The following GFRA2 variants were observed in gnomAD, a reference collection of about 807,000 sequenced individuals.
GFRA2 encodes GDNF family receptor alpha-2.
In GFRA2, 17 loss-of-function variants were observed where a neutral mutation model predicts 48.3. The observed-to-expected ratio is 0.35, with a 90% CI of 0.24 to 0.53. GFRA2 has a LOEUF of 0.53. Among genes scored for constraint, GFRA2 ranks in the 20% least tolerant of loss-of-function variants. GFRA2 has a pLI of 0.93. For synonymous variants in GFRA2, 305 were observed against 257.2 expected (o/e 1.19, Z -1.78); for missense variants, 660 against 637.3 (o/e 1.04, Z -0.38).
chr8:21,800,925 CAAA>C (rs34924711), intron 2 of GFRA2, among the ~76,000 whole-genome samples: 47 of 112,532 alleles, frequency 4.2e-4, no homozygotes, highest in Admixed American at 4.5e-4. Context: ...GACCTGGTGT[CAAA>C]AAAAAAAAAA....
chr8:21,741,005 T>C (rs76692559), intron 4 of GFRA2, among the ~76,000 whole-genome samples: 1 of 152,326 alleles, frequency 6.6e-6, no homozygotes, highest in Admixed American at 6.5e-5. Context: ...CTGATCCAGT[T>C]ATTCTAAAAT....
intron 4 of GFRA2, among the ~76,000 whole-genome samples, chr8:21,711,576 A>T (rs1585240290): frequency 2.6e-5 from 4 of 152,372 alleles, no homozygotes; most frequent in South Asian, 4.1e-4. Flanking sequence ...AAAGGTTGCC[A>T]TATTAAACGA....
intron 3 of GFRA2, among the ~76,000 whole-genome samples, chr8:21,770,402 T>G (rs1806385628): frequency 6.6e-6 from 1 of 152,238 alleles, no homozygotes; most frequent in East Asian, 1.9e-4. Flanking sequence ...AGGTAGGTGT[T>G]GCCATTGGCT....
chr8:21,763,908 C>G (rs577367751), intron 3 of GFRA2, among the ~76,000 whole-genome samples: 1 of 151,506 alleles, frequency 6.6e-6, no homozygotes, highest in African/African-American at 2.4e-5. Context: ...CCCAGCCACC[C>G]CCACTCCATG....
chr8:21,753,842 C>T (rs894309307), intron 3 of GFRA2, among the ~76,000 whole-genome samples: 1 of 152,122 alleles, frequency 6.6e-6, no homozygotes, highest in Non-Finnish European at 1.5e-5. Context: ...TATATGGCCT[C>T]ACCTCCTATT....
At chr8:21,728,119 G>A (rs1453217359) in intron 4 of GFRA2, among the ~76,000 whole-genome samples, 3 of 152,048 alleles carry the variant, frequency 2.0e-5, no homozygotes, top group African/African-American at 7.2e-5. Context: ...ACTGATTCCA[G>A]GTACGGGCCC....
intron 4 of GFRA2, among the ~76,000 whole-genome samples, chr8:21,719,691 A>G (rs776648688): frequency 6.6e-6 from 1 of 152,128 alleles, no homozygotes; most frequent in African/African-American, 2.4e-5. Flanking sequence ...CAGCTGAAAG[A>G]TTTCTTTCAA....
chr8:21,807,127 A>T (rs1005039131), intron 1 of GFRA2, among the ~76,000 whole-genome samples: 1 of 152,210 alleles, frequency 6.6e-6, no homozygotes, highest in African/African-American at 2.4e-5. Flanking sequence ...CTATGGTTTG[A>T]ATGTCCTCTC....
At chr8:21,726,088 C>T (rs144777328) in intron 4 of GFRA2, among the ~76,000 whole-genome samples, 1 of 152,202 alleles carries the variant, frequency 6.6e-6, no homozygotes, top group Non-Finnish European at 1.5e-5. Flanking sequence ...TGGTCTATCT[C>T]CAGCACCTCC....
At chr8:21,792,059 C>T (rs1175648024), upstream of GFRA2, among the ~76,000 whole-genome samples, 3 of 152,136 alleles carry the variant, frequency 2.0e-5, no homozygotes, top group Non-Finnish European at 2.9e-5. Context: ...CATCACAGAT[C>T]CTAGAGTCCA....
Position 21,750,992 on chromosome 8 carries a change from G to A in GFRA2, c.440-50C>T. ...TCAGAGGCCACACAAGCATGAGGAGGACACAGCTGCCCCCTCACTGGAAGA... is the reference window on the plus strand; with the variant it reads ...TCAGAGGCCACACAAGCATGAGGAGAACACAGCTGCCCCCTCACTGGAAGA... On this transcript the variant is annotated intron_variant, in intron 3 of 8. Transcript: ENST00000524240. This position sits in a 1 kb window ranked among gnomAD's most constrained non-coding sequence, Gnocchi z 5.7. 8.1e-7 allele frequency: 1 copy of A among 1,229,296 alleles called. No homozygotes were observed. Among genetic ancestry groups the A allele is most frequent in the Non-Finnish European group, 1.2e-6 (1 of 857,374 alleles). 76.1% of individuals were successfully genotyped at this position (1,229,296 alleles called of 1,614,324 possible).
At chr8:21,762,702 T>C (rs1029528100) in intron 3 of GFRA2, among the ~76,000 whole-genome samples, 2 of 152,248 alleles carry the variant, frequency 1.3e-5, no homozygotes, top group African/African-American at 2.4e-5. Context: ...TTCAGGTTAG[T>C]CTTAATTTTG....
At chr8:21,774,945 G>A (rs1341232566) in intron 3 of GFRA2, 27 bp downstream of exon 3, 3 of 1,328,998 alleles carry the variant, frequency 2.3e-6, no homozygotes, top group African/African-American at 2.9e-5. Context: ...AGGAGAACGG[G>A]CCAAGTCCCA....
chr8:21,705,190 G>A (rs1021100677), intron 5 of GFRA2, 65 bp from the exon 6 acceptor site: 2 of 1,526,472 alleles, frequency 1.3e-6, no homozygotes, highest in African/African-American at 1.4e-5. Context: ...TGGGCCCACA[G>A]ACCAACCCCA....
intron 3 of GFRA2, among the ~76,000 whole-genome samples, chr8:21,760,886 AAG>A (rs1805873154): frequency 6.6e-6 from 1 of 152,178 alleles, no homozygotes; most frequent in Non-Finnish European, 1.5e-5. Flanking sequence ...CACGGAAGGC[AAG>A]AGTTTCGAAA....
intron 3 of GFRA2, among the ~76,000 whole-genome samples, chr8:21,765,565 T>TCC (rs1806113001): frequency 6.6e-6 from 1 of 151,824 alleles, no homozygotes; most frequent in Non-Finnish European, 1.5e-5. Flanking sequence ...CTATATACCC[T>TCC]CCCTCCATGA....
At chr8:21,703,025 G>C in intron 6 of GFRA2, 48 bp from the exon 7 acceptor site, 1 of 1,204,636 alleles carries the variant, frequency 8.3e-7, no homozygotes, top group South Asian at 1.6e-5. Flanking sequence ...ACCCACGTCC[G>C]TCACTCCTGT....
At chr8:21,796,403 C>T (rs960278752) in intron 2 of GFRA2, among the ~76,000 whole-genome samples, 1 of 152,228 alleles carries the variant, frequency 6.6e-6, no homozygotes, top group Non-Finnish European at 1.5e-5. Flanking sequence ...GCCTGACGCC[C>T]CCCGCAGAGA....
At chr8:21,776,443 G>A (rs1453326283) in intron 2 of GFRA2, among the ~76,000 whole-genome samples, 3 of 149,686 alleles carry the variant, frequency 2.0e-5, no homozygotes, top group Admixed American at 6.6e-5. Flanking sequence ...GCTGGAATTT[G>A]ACAACAGCCT....
Sources: allele counts gnomAD v4.1 joint callset (sites outside exome capture counted in the v4.1 genomes callset), GRCh38; gene constraint gnomAD v4.1.1; non-coding constraint Gnocchi (gnomAD v3.1); transcripts MANE v1.5; gene names NCBI Gene and HGNC (gene_info 2026-07-23, HGNC 2026-07-21).